PTCH1: variants seen among roughly 807,000 people sequenced by gnomAD.
The protein encoded by PTCH1 is patched 1.
Under a neutral mutation model 144.6 loss-of-function variants are expected in PTCH1, and 14 were observed. The ratio of observed to expected loss-of-function variants is 0.10; its 90% CI spans 0.06 to 0.15. The LOEUF (loss-of-function observed/expected upper bound fraction) is 0.15. Among genes scored for constraint, PTCH1 ranks in the 10% least tolerant of loss-of-function variants. PTCH1 has a pLI of 1.00. For missense variants in PTCH1, 1,623 were observed against 1,948.3 expected, an observed-to-expected ratio of 0.83 and a Z score of 3.14; for synonymous variants, 833 against 793.6, an observed-to-expected ratio of 1.05 and a Z score of -0.83.
chr9:95,490,903 G>A (rs962569582), intron 2 of PTCH1, among the ~76,000 whole-genome samples: 3 of 152,172 alleles, frequency 2.0e-5, no homozygotes, highest in Non-Finnish European at 4.4e-5. Context: ...TGATGAATGT[G>A]TTTGAGGTGA....
At position 95,494,769 on chromosome 9, in the gene PTCH1, T is replaced by C. The variant is rs185665358; in HGVS notation, c.395-8895A>G. 4.5e-3 allele frequency among the ~76,000 whole-genome samples: 679 copies of C among 152,248 alleles called. 1 individual carries two copies. The highest frequency in any genetic ancestry group is 8.0e-3 in the Non-Finnish European group (544 of 68,024). On this transcript the variant is annotated intron_variant, in intron 2 of 23. Coordinates refer to ENST00000331920, the MANE Select transcript of PTCH1 (RefSeq NM_000264.5). ...TAGTTGAAACCTCCTGAAGTCTTCA[T>C]TAAAAAAATAGAAACAGAAAGAAAC...
chr9:95,474,212 C>T, intron 12 of PTCH1: 1 of 332,988 alleles, frequency 3.0e-6, no homozygotes, highest in Non-Finnish European at 6.0e-6. Context: ...TACAGAAAGA[C>T]AGTGAGCAAA....
chr9:95,491,209 G>A (rs1390668365), intron 2 of PTCH1, among the ~76,000 whole-genome samples: 1 of 152,116 alleles, frequency 6.6e-6, no homozygotes, highest in Non-Finnish European at 1.5e-5. Context: ...TATTCTTTAC[G>A]TCTTTGGAAA....
chr9:95,483,509 T>C (rs546265141), intron 3 of PTCH1: 1 of 152,142 alleles, frequency 6.6e-6, no homozygotes, highest in East Asian at 1.9e-4. Context: ...CCCAAGGAGC[T>C]TACTGTGTCC....
intron 9 of PTCH1, 34 bp from the exon 10 acceptor site, chr9:95,477,736 G>A (rs1462804361): frequency 6.2e-7 from 1 of 1,612,612 alleles, no homozygotes; most frequent in Admixed American, 1.7e-5. Context: ...CAGAACAAAA[G>A]CCGAACATTA....
At chr9:95,480,711 C>T (rs1443590220) in intron 5 of PTCH1, 123 bp from the exon 6 acceptor site, 19 of 967,686 alleles carry the variant, frequency 2.0e-5, no homozygotes, top group Non-Finnish European at 4.8e-6. Flanking sequence ...AGTTCTGGGA[C>T]TCTGGCATCA....
intron 15 of PTCH1, among the ~76,000 whole-genome samples, chr9:95,463,950 A>G (rs1204965497): frequency 6.6e-6 from 1 of 152,162 alleles, no homozygotes; most frequent in African/African-American, 2.4e-5. Flanking sequence ...CATCAATAAC[A>G]TCTGGTGGCA....
intron 2 of PTCH1, chr9:95,503,384 C>T (rs988875706): frequency 3.9e-5 from 6 of 152,206 alleles, no homozygotes; most frequent in African/African-American, 9.7e-5. Context: ...TTACTGCTGA[C>T]GTGAACACTC....
chr9:95,449,399 T>C lies in PTCH1; in HGVS notation c.3550-76A>G. On this transcript the variant is annotated intron_variant, in intron 21 of 23. Transcript: ENST00000331920. This position sits in a 1 kb window ranked among gnomAD's most constrained non-coding sequence, Gnocchi z 5.3. ...GCCACACTCAAAGCTCAAAGCACGG[T>C]ATTTTTCAGGGGCCTCTGTTCCCTG... 1 of 1,530,384 alleles carries C rather than the reference T, an allele frequency of 6.5e-7. No individual in the cohort carries two copies. The highest frequency in any genetic ancestry group is 2.4e-5 in the East Asian group (1 of 40,852). The allele number at this position is 1,530,384 out of a possible 1,614,324, so 94.8% of individuals were successfully genotyped here. A position where few individuals can be genotyped will look rare whatever the true frequency, so the allele number is the denominator to read the frequency against.
intron 2 of PTCH1, among the ~76,000 whole-genome samples, chr9:95,496,194 C>G (rs906350222): frequency 6.6e-6 from 1 of 152,102 alleles, no homozygotes; most frequent in Non-Finnish European, 1.5e-5. Context: ...TATAGCTGCT[C>G]GGTGCTAATT....
chr9:95,497,154 T>A (rs1842851026), intron 2 of PTCH1, among the ~76,000 whole-genome samples: 1 of 152,224 alleles, frequency 6.6e-6, no homozygotes, highest in African/African-American at 2.4e-5. Context: ...AAATCCTATT[T>A]CTTCCTAACT....
chr9:95,489,448 A>G (rs998281249), intron 2 of PTCH1, among the ~76,000 whole-genome samples: 1 of 152,068 alleles, frequency 6.6e-6, no homozygotes, highest in African/African-American at 2.4e-5. Context: ...TCCTGGGCTT[A>G]AGCGATCCTC....
At chr9:95,478,277 C>G in intron 8 of PTCH1, 91 bp from the exon 9 acceptor site, 1 of 1,577,940 alleles carries the variant, frequency 6.3e-7, no homozygotes, top group Non-Finnish European at 8.7e-7. Context: ...CAGCGCAGCC[C>G]TTCTTTTTTT....
At chr9:95,480,232 C>T in intron 6 of PTCH1, 142 bp from the exon 7 acceptor site, 1 of 1,526,622 alleles carries the variant, frequency 6.6e-7, no homozygotes, top group East Asian at 2.3e-5. Flanking sequence ...GCAAATCTTA[C>T]AGCAAAATTT....
At chr9:95,516,607 C>A in exon 1 of PTCH1, 1 of 1,601,384 alleles carries the variant, frequency 6.2e-7, no homozygotes, top group Non-Finnish European at 8.5e-7. Context: ...CCAGTCTTCC[C>A]TCGTCTCCCC....
At chr9:95,455,883 C>G (rs1352051861) in intron 19 of PTCH1, among the ~76,000 whole-genome samples, 1 of 152,160 alleles carries the variant, frequency 6.6e-6, no homozygotes, top group African/African-American at 2.4e-5. Flanking sequence ...CCCCACTGTT[C>G]CTGTTGTTTT....
chr9:95,508,843 G>C lies in PTCH1; in HGVS notation c.-482C>G. 2.0e-6 allele frequency: 2 copies of C among 983,160 alleles called. No individual in the cohort carries two copies. Among genetic ancestry groups the C allele is most frequent in the South Asian group, 9.4e-5 (2 of 21,184 alleles). 60.9% of individuals were successfully genotyped at this position (983,160 alleles called of 1,614,324 possible). On this transcript the variant is annotated 5_prime_UTR_variant, in exon 1 of 24. Transcript: ENST00000331920. ...CGCGCTGGCTCTCTCGGCGCCTCCC[G>C]GGTCGCCCGAGCGGCCGCGGAGGGC...
chr9:95,467,589 C>A (rs116944583), intron 14 of PTCH1, among the ~76,000 whole-genome samples, 164 bp from the exon 15 acceptor site: 1 of 152,118 alleles, frequency 6.6e-6, no homozygotes, highest in Admixed American at 6.5e-5. Context: ...TCATAGTAAT[C>A]GCATTTTTAT....
chr9:95,477,534 G>A lies in PTCH1; in HGVS notation c.1503+13C>T. 1 of 1,614,108 alleles carries A rather than the reference G, an allele frequency of 6.2e-7. No individual in the cohort carries two copies. The highest frequency in any genetic ancestry group is 8.5e-7 in the Non-Finnish European group (1 of 1,180,000). On this transcript the variant is annotated intron_variant, in intron 10 of 23. Coordinates refer to ENST00000331920, the MANE Select transcript of PTCH1 (RefSeq NM_000264.5). ...TTTGTCAACGGACAGCAGATAAATG[G>A]CTCCTTTAGTACCTGAGTTGTTGCA...
Sources: allele counts gnomAD v4.1 joint callset (sites outside exome capture counted in the v4.1 genomes callset), GRCh38; gene constraint gnomAD v4.1.1; non-coding constraint Gnocchi (gnomAD v3.1); transcripts MANE v1.5; gene names NCBI Gene and HGNC (gene_info 2026-07-23, HGNC 2026-07-21).